Variants in NEK6 observed in about 807,000 individuals in gnomAD.
The protein encoded by NEK6 is NIMA related kinase 6.
NEK6 carries 27 observed loss-of-function variants against 43.5 expected under a neutral mutation model. The ratio of observed to expected loss-of-function variants is 0.62; its 90% CI spans 0.46 to 0.86. The LOEUF (loss-of-function observed/expected upper bound fraction) is 0.86, where lower values mean the gene tolerates loss of function less well. NEK6 is among the 40% of genes least tolerant of loss of function. The pLI is 0.00. For missense variants in NEK6, 318 were observed against 414.4 expected, an observed-to-expected ratio of 0.77 and a Z score of 2.02; for synonymous variants, 167 against 164.1, an observed-to-expected ratio of 1.02 and a Z score of -0.14.
At position 124,289,789 on chromosome 9, in the gene NEK6, G is replaced by A. The variant is rs557156380; in HGVS notation, c.-29-12147G>A. Among the ~76,000 whole-genome samples the A allele has an allele frequency of 3.9e-5, 6 of 152,306 alleles. No homozygotes were observed. In the South Asian group the frequency reaches 8.3e-4, roughly 21 times the overall value. ...TAAGAAGCATCTGCACAAGAAGGGC[G>A]CTTCTAGACTGTGGAGTCCAACCCA... On this transcript the variant is annotated intron_variant, in intron 1 of 9. Coordinates refer to ENST00000320246, the MANE Select transcript of NEK6 (RefSeq NM_014397.6).
chr9:124,257,881 C>A (rs1030119620), upstream of NEK6: 77 of 1,010,422 alleles, frequency 7.6e-5, no homozygotes, highest in Middle Eastern at 4.4e-4. Context: ...GCAGCGCGCA[C>A]GAGCGCTGGG....
intron 1 of NEK6, among the ~76,000 whole-genome samples, chr9:124,264,699 G>A (rs78457331): frequency 0.016 from 2,436 of 151,776 alleles, 74 homozygotes; most frequent in African/African-American, 0.055. Flanking sequence ...CCAGCTACTC[G>A]GGAGCCTGAG....
chr9:124,258,529 G>A (rs1292161706), intron 1 of NEK6, among the ~76,000 whole-genome samples: 1 of 152,224 alleles, frequency 6.6e-6, no homozygotes, highest in Non-Finnish European at 1.5e-5. Context: ...GCACATGCGT[G>A]AGCCTAGAAG....
chr9:124,331,422 A>C (rs1253462257), intron 7 of NEK6, among the ~76,000 whole-genome samples: 3 of 151,864 alleles, frequency 2.0e-5, no homozygotes, highest in Non-Finnish European at 4.4e-5. Flanking sequence ...GCCCCACGGG[A>C]AATCAGCTCA....
chr9:124,293,716 G>A (rs1477748933), intron 1 of NEK6, among the ~76,000 whole-genome samples: 1 of 152,224 alleles, frequency 6.6e-6, no homozygotes, highest in East Asian at 1.9e-4. Context: ...CTACTAGTCA[G>A]AGATTCATTC....
At chr9:124,295,469 G>A (rs1832641529) in intron 1 of NEK6, among the ~76,000 whole-genome samples, 2 of 152,216 alleles carry the variant, frequency 1.3e-5, no homozygotes, top group Admixed American at 1.3e-4. Flanking sequence ...CCACAGCTCT[G>A]GGCCAGTATT....
At position 124,274,234 on chromosome 9, in the gene NEK6, C is replaced by T. The variant is rs550246557; in HGVS notation, c.-30+16149C>T. The stretch of plus-strand genomic sequence containing the variant: ...ATCCAATCTGCTTCCTGCGCATGTC[C>T]CGTGTGAGCCTCGCTGTGGCAGGGC... On this transcript the variant is annotated intron_variant, in intron 1 of 9. Transcript: ENST00000320246. 1.6e-3 allele frequency among the ~76,000 whole-genome samples: 242 copies of T among 152,388 alleles called. 1 individual carries two copies. Among genetic ancestry groups the T allele is most frequent in the South Asian group, 3.5e-3 (17 of 4,826 alleles).
intron 1 of NEK6, among the ~76,000 whole-genome samples, chr9:124,278,606 C>T (rs1231807920): frequency 6.6e-6 from 1 of 152,148 alleles, no homozygotes; most frequent in East Asian, 1.9e-4. Flanking sequence ...CACCCCTGGC[C>T]CACCATAGGA....
intron 1 of NEK6, among the ~76,000 whole-genome samples, chr9:124,300,655 G>A (rs1443077963): frequency 1.3e-5 from 2 of 152,136 alleles, no homozygotes; most frequent in East Asian, 1.9e-4. Context: ...GGCAGGAGAC[G>A]GACCAGAGGT....
chr9:124,267,455 G>A (rs1414404706), intron 1 of NEK6, among the ~76,000 whole-genome samples: 3 of 152,238 alleles, frequency 2.0e-5, no homozygotes, highest in African/African-American at 4.8e-5. Flanking sequence ...CGTCTCCTCC[G>A]GGAATGTAGT....
At chr9:124,317,087 G>A (rs997167865) in intron 4 of NEK6, among the ~76,000 whole-genome samples, 5 of 152,186 alleles carry the variant, frequency 3.3e-5, no homozygotes, top group African/African-American at 7.2e-5. Flanking sequence ...ATGTCTCAGA[G>A]ATTTGAAGGC....
At chr9:124,312,086 A>C (rs887998977) in intron 2 of NEK6, among the ~76,000 whole-genome samples, 7 of 152,288 alleles carry the variant, frequency 4.6e-5, no homozygotes, top group Admixed American at 4.6e-4. Context: ...GGCATTTTGC[A>C]TGGTGGCCAC....
rs1830247388 is a variant in NEK6 at position 124,350,992 on chromosome 9, T to C, written c.*45T>C. 7.1e-7 allele frequency: 1 copy of C among 1,416,702 alleles called. No homozygotes were observed. Among genetic ancestry groups the C allele is most frequent in the Non-Finnish European group, 9.9e-7 (1 of 1,014,372 alleles). 87.8% of individuals were successfully genotyped at this position (1,416,702 alleles called of 1,614,324 possible). A position where few individuals can be genotyped will look rare whatever the true frequency, so the allele number is the denominator to read the frequency against. ...TATCAAAGCCAGCACCACTTTGCCT[T>C]ACTTGAGTCGTCTTCTCTTCGAGTG... is the stretch of plus-strand genomic sequence containing the variant. On this transcript the variant is annotated 3_prime_UTR_variant, in exon 10 of 10. Coordinates refer to ENST00000320246, the MANE Select transcript of NEK6 (RefSeq NM_014397.6).
chr9:124,312,863 C>G (rs1564639529), intron 3 of NEK6, among the ~76,000 whole-genome samples: 1 of 152,216 alleles, frequency 6.6e-6, no homozygotes, highest in Non-Finnish European at 1.5e-5. Context: ...GCATTGAGCG[C>G]CTGCTGTGTA....
rs184843995 is a variant in NEK6, at chr9:124,263,821, C to T, written c.-30+5736C>T. ...TTTAAGCACCAGGGTGGCCCTGTGG[C>T]GCCTCAGGAAAATGTTTGCCTGTCA... On this transcript the variant is annotated intron_variant, in intron 1 of 9. Coordinates refer to ENST00000320246, the MANE Select transcript of NEK6 (RefSeq NM_014397.6). Among the ~76,000 whole-genome samples the T allele has an allele frequency of 1.1e-4, 16 of 152,320 alleles. No individual in the cohort carries two copies. In the East Asian group the frequency reaches 2.7e-3, roughly 26 times the overall value.
chr9:124,280,127 C>A (rs887697738), intron 1 of NEK6, among the ~76,000 whole-genome samples: 1 of 152,218 alleles, frequency 6.6e-6, no homozygotes, highest in Non-Finnish European at 1.5e-5. Context: ...GCCTGGAATT[C>A]CAGGTGTGCC....
chr9:124,328,194 C>A (rs550408325), intron 7 of NEK6, among the ~76,000 whole-genome samples: 172 of 152,222 alleles, frequency 1.1e-3, no homozygotes, highest in Non-Finnish European at 1.3e-3. Context: ...GGGTATGTAA[C>A]CAAATGTGAA....
chr9:124,272,517 G>T lies in NEK6; in HGVS notation c.-30+14432G>T, dbSNP rs964017544. ...TTTCTTCCATTAAAGGGCAATCCCT[G>T]GGGATTTAACATGCTGCCTTTCGTG... is the stretch of plus-strand genomic sequence containing the variant. On this transcript the variant is annotated intron_variant, in intron 1 of 9. Transcript: ENST00000320246. Among the ~76,000 whole-genome samples the T allele has an allele frequency of 1.0e-4, 16 of 152,386 alleles. No homozygotes were observed. The East Asian group carries it at 2.9e-3, about 28-fold the overall frequency.
chr9:124,273,895 A>G (rs549273366), intron 1 of NEK6, among the ~76,000 whole-genome samples: 1 of 152,320 alleles, frequency 6.6e-6, no homozygotes, highest in South Asian at 2.1e-4. Flanking sequence ...CCAGGACCTA[A>G]TAAGGCCCCA....
Sources: gnomAD v4.1 joint callset for allele counts (sites outside exome capture counted in the v4.1 genomes callset) on GRCh38, gnomAD v4.1.1 for gene constraint, MANE v1.5 for transcripts, NCBI Gene and HGNC (gene_info 2026-07-23, HGNC 2026-07-21) for gene names.